The following DMD variants were observed in gnomAD, a reference collection of about 807,000 sequenced individuals.
DMD encodes the protein mutant dystrophin.
Under a neutral mutation model 330.1 loss-of-function variants are expected in DMD, and 63 were observed. That is an observed-to-expected ratio of 0.19 (90% CI 0.16 to 0.24). The LOEUF (loss-of-function observed/expected upper bound fraction) is 0.24. Ranked by LOEUF, DMD falls within the 10% of genes least tolerant of loss-of-function variation. The probability of loss-of-function intolerance (pLI) is 1.00; values close to 1 mark genes in which losing one functional copy is unlikely to be tolerated. For synonymous variants in DMD, 1,223 were observed against 959.8 expected, an observed-to-expected ratio of 1.27 and a Z score of -5.07; for missense variants, 3,344 against 2,684.1, an observed-to-expected ratio of 1.25 and a Z score of -5.43.
At chrX:33,216,452 A>G (rs1463906669), upstream of DMD, among the ~76,000 whole-genome samples, 2 of 110,902 alleles carry the variant, frequency 1.8e-5, no homozygotes, top group Non-Finnish European at 3.8e-5. Flanking sequence ...CTAGAGGGGG[A>G]ATGGAGGGAA....
intron 1 of DMD, among the ~76,000 whole-genome samples, chrX:33,292,604 T>C (rs2053528805): frequency 9.0e-6 from 1 of 110,517 alleles, no homozygotes; most frequent in Admixed American, 9.7e-5. Context: ...GATACAATCC[T>C]GGATTTTGGA....
In DMD at chrX:32,284,594, C is replaced by T. The variant is rs151252233; in HGVS notation, c.6290+2935G>A. ...ACTAAGCTCCCCACATATATTGTGT[C>T]AGATAATCCTCATAACAACCCTGTG... is the stretch of plus-strand genomic sequence containing the variant. On this transcript the variant is annotated intron_variant, in intron 43 of 78. Transcript: ENST00000357033. Among the ~76,000 whole-genome samples the T allele has an allele frequency of 6.8e-3, 761 of 111,853 alleles. 8 individuals are homozygous for T. Among genetic ancestry groups the T allele is most frequent in the African/African-American group, 0.023 (716 of 30,775 alleles).
chrX:31,745,101 A>G (rs881746), intron 51 of DMD, among the ~76,000 whole-genome samples: 2,493 of 111,893 alleles, frequency 0.022, 68 homozygotes, highest in African/African-American at 0.076. Flanking sequence ...GGTTCAGGGA[A>G]GGTGCCATAG....
intron 2 of DMD, among the ~76,000 whole-genome samples, chrX:32,988,844 T>A (rs766385162): frequency 2.7e-5 from 3 of 111,681 alleles, no homozygotes; most frequent in African/African-American, 9.8e-5. Flanking sequence ...TCAACAGAAA[T>A]ATATTTCACA....
intron 1 of DMD, among the ~76,000 whole-genome samples, chrX:33,030,318 A>C (rs2094085799): frequency 8.9e-6 from 1 of 111,957 alleles, no homozygotes; most frequent in Non-Finnish European, 1.9e-5. Context: ...AAAAAATTCA[A>C]GTCTTCTCGA....
At chrX:32,411,655 G>A in intron 30 of DMD, 97 bp downstream of exon 30, 2 of 1,031,067 alleles carry the variant, frequency 1.9e-6, no homozygotes, top group African/African-American at 1.8e-5. Context: ...CAACCCCATG[G>A]AAAACTAGTT....
intron 37 of DMD, among the ~76,000 whole-genome samples, chrX:32,356,951 G>A (rs2097803436): frequency 9.0e-6 from 1 of 111,181 alleles, no homozygotes; most frequent in South Asian, 3.8e-4. Flanking sequence ...GTGCAGTGGT[G>A]CGATCTCGGC....
intron 29 of DMD, among the ~76,000 whole-genome samples, chrX:32,432,631 T>C (rs1341201119): frequency 8.9e-6 from 1 of 112,208 alleles, no homozygotes; most frequent in Non-Finnish European, 1.9e-5. Flanking sequence ...TTGATGTTGC[T>C]TCTAACGGCT....
chrX:32,765,511 C>T (rs191396755), intron 7 of DMD, among the ~76,000 whole-genome samples: 650 of 111,309 alleles, frequency 5.8e-3, no homozygotes, highest in Admixed American at 9.3e-3. Flanking sequence ...GCCAATTAAA[C>T]CTCTTTTCTT....
At chrX:32,126,539 T>A (rs1355445270) in intron 44 of DMD, among the ~76,000 whole-genome samples, 2 of 110,883 alleles carry the variant, frequency 1.8e-5, no homozygotes, top group Non-Finnish European at 3.8e-5. Context: ...TTGAAATATG[T>A]AACCTTAACC....
At chrX:32,273,499 CTTT>C (rs11364033) in intron 43 of DMD, among the ~76,000 whole-genome samples, 7 of 102,310 alleles carry the variant, frequency 6.8e-5, no homozygotes, top group African/African-American at 2.1e-4. Context: ...TTCCAATATT[CTTT>C]TTTTTTTTTT....
At chrX:31,354,339 C>G (rs1019617340) in intron 60 of DMD, among the ~76,000 whole-genome samples, 1 of 111,130 alleles carries the variant, frequency 9.0e-6, no homozygotes, top group Admixed American at 9.6e-5. Context: ...AGATCCCTGA[C>G]ACAAGCTTTT....
rs112248105 is a variant in DMD, at chrX:32,386,141, C to CAT, written c.4674+167_4674+168dup. ...ATGTTTATCTTTGTGTATATGTGTA[C>CAT]ATATATATATATACGTATATGTGTG... On this transcript the variant is annotated intron_variant, in intron 33 of 78. Transcript: ENST00000357033. 3.0e-4 allele frequency among the ~76,000 whole-genome samples: 32 copies of CAT among 108,359 alleles called. 1 individual carries two copies. The highest frequency in any genetic ancestry group is 1.3e-3 in the Admixed American group (13 of 10,010). 94.1% of individuals were successfully genotyped at this position (108,359 alleles called of 115,157 possible).
At chrX:31,471,618 G>A (rs1047733210) in intron 59 of DMD, among the ~76,000 whole-genome samples, 24 of 112,283 alleles carry the variant, frequency 2.1e-4, no homozygotes, top group African/African-American at 7.4e-4. Flanking sequence ...CACTTCTTTG[G>A]TCAGGATTTT....
chrX:32,535,679 G>A (rs765790271), intron 17 of DMD, among the ~76,000 whole-genome samples: 3 of 111,306 alleles, frequency 2.7e-5, no homozygotes, highest in Admixed American at 1.9e-4. Flanking sequence ...CCTGCGCTGC[G>A]TCTCAGTTTT....
intron 9 of DMD, among the ~76,000 whole-genome samples, chrX:32,663,402 T>TA (rs944272066): frequency 2.3e-4 from 26 of 111,896 alleles, no homozygotes; most frequent in African/African-American, 8.4e-4. Context: ...GAACAAATAA[T>TA]AAAAAAACTT....
At chrX:32,919,493 C>A (rs2088178487) in intron 2 of DMD, among the ~76,000 whole-genome samples, 1 of 112,006 alleles carries the variant, frequency 8.9e-6, no homozygotes, top group African/African-American at 3.2e-5. Context: ...AAAGCTACAC[C>A]TTAAAGTTAC....
chrX:31,200,932 T>G (rs1338706499), intron 67 of DMD, among the ~76,000 whole-genome samples: 3 of 111,643 alleles, frequency 2.7e-5, no homozygotes, highest in Non-Finnish European at 1.9e-5. Context: ...TTATAAATGT[T>G]CAAAGAAGAA....
intron 26 of DMD, among the ~76,000 whole-genome samples, chrX:32,451,065 T>C (rs976455103): frequency 9.0e-6 from 1 of 111,135 alleles, no homozygotes; most frequent in African/African-American, 3.3e-5. Flanking sequence ...CTAACTATGA[T>C]ATGCTCTGCC....
Sources: allele counts gnomAD v4.1 joint callset (sites outside exome capture counted in the v4.1 genomes callset), GRCh38; gene constraint gnomAD v4.1.1; transcripts MANE v1.5; gene names NCBI Gene and HGNC (gene_info 2026-07-23, HGNC 2026-07-21).